AFF1: variants seen among roughly 807,000 people sequenced by gnomAD.
The protein encoded by AFF1 is AF4/FMR2 family member 1.
AFF1 carries 48 observed loss-of-function variants against 121.7 expected under a neutral mutation model. That is an observed-to-expected ratio of 0.39 (90% confidence interval 0.31 to 0.50). The LOEUF is 0.50. AFF1 is among the 20% of genes least tolerant of loss of function. The pLI is 0.76. For synonymous variants in AFF1, 613 were observed against 563.0 expected (o/e 1.09, Z -1.26); for missense variants, 1,523 against 1,511.7 (o/e 1.01, Z -0.12).
intron 2 of AFF1, among the ~76,000 whole-genome samples, chr4:87,017,797 C>G (rs1671267014): frequency 6.6e-6 from 1 of 152,132 alleles, no homozygotes; most frequent in South Asian, 2.1e-4. Flanking sequence ...TGTGCCCTCC[C>G]TTGATGGTGT....
intron 2 of AFF1, among the ~76,000 whole-genome samples, chr4:87,002,971 A>C (rs985316830): frequency 6.6e-6 from 1 of 152,218 alleles, no homozygotes. Context: ...GCTGATGAAG[A>C]TGGTGGGTTG....
chr4:86,981,114 G>A (rs34709431), intron 2 of AFF1, among the ~76,000 whole-genome samples: 20,524 of 152,140 alleles, frequency 0.13, 1,865 homozygotes, highest in Middle Eastern at 0.23. Context: ...CCAGGTTCAC[G>A]CCACTCTCCT....
intron 4 of AFF1, among the ~76,000 whole-genome samples, chr4:87,060,651 C>T (rs368837295): frequency 1.3e-5 from 2 of 151,876 alleles, no homozygotes; most frequent in African/African-American, 4.8e-5. Context: ...CCAGCCTAAC[C>T]AACAAGGTGA....
intron 12 of AFF1, among the ~76,000 whole-genome samples, chr4:87,122,412 C>T (rs1203434017): frequency 6.6e-6 from 1 of 152,178 alleles, no homozygotes; most frequent in East Asian, 1.9e-4. Context: ...AGTTGTTGAA[C>T]GGAGGTTTGT....
intron 2 of AFF1, among the ~76,000 whole-genome samples, chr4:87,021,112 G>A (rs543189777): frequency 6.6e-6 from 1 of 152,176 alleles, no homozygotes; most frequent in African/African-American, 2.4e-5. Flanking sequence ...ACCCTTCTGA[G>A]GTGCACTCTC....
chr4:87,114,967 C>G lies in AFF1; in HGVS notation c.2134C>G (p.Pro712Ala), dbSNP rs374107491. The G allele has an allele frequency of 5.6e-6, 9 of 1,613,154 alleles. No individual in the cohort carries two copies. The African/African-American group carries it at 9.3e-5, about 17-fold the overall frequency. The change falls in exon 12 of 21, where the codon CCC (proline) becomes GCC (alanine). Residue 712 changes from proline to alanine, a missense_variant. Around this residue, in one of 5 missense-constraint regions of AFF1, gnomAD observed 905 missense variants for 842.5 expected, o/e 1.07. Transcript: ENST00000395146. ...DRTPEHFALV[P>A]LTESQGPPHS... ...GACCCCTGAGCACTTTGCTCTTGTT[C>G]CCCTGACTGAGAGCCAGGGCCCACC...
chr4:87,108,732 C>T (rs536866420), intron 11 of AFF1, among the ~76,000 whole-genome samples: 39 of 152,250 alleles, frequency 2.6e-4, no homozygotes, highest in African/African-American at 9.1e-4. Context: ...AGGAGACTGC[C>T]TGATTTAGCA....
intron 2 of AFF1, among the ~76,000 whole-genome samples, chr4:87,013,362 G>T (rs1327043922): frequency 2.0e-5 from 3 of 152,020 alleles, no homozygotes; most frequent in African/African-American, 7.2e-5. Context: ...AGTTCTTAAG[G>T]CTATTGCTGG....
chr4:87,064,878 GAA>G (rs397932923), intron 4 of AFF1, among the ~76,000 whole-genome samples: 4 of 139,068 alleles, frequency 2.9e-5, no homozygotes, highest in South Asian at 2.3e-4. Context: ...CGTCTCAAAA[GAA>G]AAAAAAAAAA....
intron 11 of AFF1, among the ~76,000 whole-genome samples, chr4:87,109,343 C>T (rs1252573447): frequency 1.3e-5 from 2 of 152,172 alleles, no homozygotes; most frequent in Admixed American, 1.3e-4. Flanking sequence ...GAGAAAATAA[C>T]TGGCTGTCAT....
intron 2 of AFF1, among the ~76,000 whole-genome samples, chr4:86,956,810 T>C (rs1247569876): frequency 1.3e-5 from 2 of 152,246 alleles, no homozygotes; most frequent in Non-Finnish European, 2.9e-5. Context: ...CTTGTACTAT[T>C]CATCAGTTAA....
intron 2 of AFF1, among the ~76,000 whole-genome samples, chr4:86,972,503 TGAA>T (rs1284959135): frequency 3.3e-5 from 5 of 152,174 alleles, no homozygotes; most frequent in Non-Finnish European, 5.9e-5. Context: ...CAAGTTAAAA[TGAA>T]GACAGTTTTG....
intron 2 of AFF1, among the ~76,000 whole-genome samples, chr4:87,025,203 C>T (rs757402598): frequency 6.6e-6 from 1 of 152,168 alleles, no homozygotes; most frequent in Non-Finnish European, 1.5e-5. Flanking sequence ...TGCTCCTTTG[C>T]CAGCACTTGG....
At position 87,051,924 on chromosome 4, in the gene AFF1, A is replaced by G. The variant is rs186095804; in HGVS notation, c.1059+4330A>G. On this transcript the variant is annotated intron_variant, in intron 4 of 20. Transcript: ENST00000395146. ...AGTTATAATGAAATCATAGGCGTTG[A>G]TAAGAGTGCCGCAAGAAGTAAAGAG... is the stretch of plus-strand genomic sequence containing the variant. Among the ~76,000 whole-genome samples, 116 of 152,292 alleles carry G rather than the reference A, an allele frequency of 7.6e-4. 1 individual carries two copies. The highest frequency in any genetic ancestry group is 2.7e-3 in the African/African-American group (113 of 41,562).
At chr4:87,038,988 G>A (rs1435645206) in intron 2 of AFF1, among the ~76,000 whole-genome samples, 4 of 152,124 alleles carry the variant, frequency 2.6e-5, no homozygotes, top group African/African-American at 7.2e-5. Flanking sequence ...CCTGTGGGCC[G>A]TGAGTTGCCA....
chr4:87,038,667 T>G (rs1482906790), intron 2 of AFF1, among the ~76,000 whole-genome samples: 5 of 152,170 alleles, frequency 3.3e-5, no homozygotes, highest in African/African-American at 1.2e-4. Flanking sequence ...TGCCGAACTT[T>G]TGTGTTTATT....
At chr4:87,091,098 A>G (rs1724259476) in intron 6 of AFF1, among the ~76,000 whole-genome samples, 1 of 151,198 alleles carries the variant, frequency 6.6e-6, no homozygotes, top group African/African-American at 2.4e-5. Context: ...CTTATTTTCT[A>G]ATAATTTTTA....
At position 87,046,858 on chromosome 4, in the gene AFF1, G is replaced by A. The variant is rs773753569; in HGVS notation, c.323G>A (p.Ser108Asn). Reference sequence around the variant, plus strand: ...CCTTTAATTCCTGACAAAGGGAGCAGCATTCCATCCAGCTCCTTCCACACT... The same window carrying A: ...CCTTTAATTCCTGACAAAGGGAGCAACATTCCATCCAGCTCCTTCCACACT... ...KYPLIPDKGSSIPSSSFHTSV... is the reference protein window; with the variant it reads ...KYPLIPDKGSNIPSSSFHTSV... Residue 108 changes from serine to asparagine, a missense_variant, in exon 4 of 21, where the codon AGC becomes AAC. Transcript: ENST00000395146. 12 of 1,614,064 alleles carry A rather than the reference G, an allele frequency of 7.4e-6. No individual in the cohort carries two copies. Among genetic ancestry groups the A allele is most frequent in the Middle Eastern group, 1.6e-4 (1 of 6,084 alleles).
intron 2 of AFF1, among the ~76,000 whole-genome samples, chr4:87,000,796 CCAGAT>C (rs1316881383): frequency 6.6e-6 from 1 of 151,742 alleles, no homozygotes. Flanking sequence ...AAACTGTAGA[CCAGAT>C]CAGGTAAAGA....
Sources: gnomAD v4.1 joint callset for allele counts (sites outside exome capture counted in the v4.1 genomes callset) on GRCh38, gnomAD v4.1.1 for gene constraint, gnomAD v4.1.1 regional missense constraint, MANE v1.5 for transcripts, NCBI Gene and HGNC (gene_info 2026-07-23, HGNC 2026-07-21) for gene names.